ITGA9: variants seen among roughly 807,000 people sequenced by gnomAD.
ITGA9 encodes the protein integrin alpha-9.
Under a neutral mutation model 127.8 loss-of-function variants are expected in ITGA9, and 56 were observed. The observed-to-expected ratio is 0.44, with a 90% CI of 0.35 to 0.55. The LOEUF (loss-of-function observed/expected upper bound fraction) is 0.55. Ranked by LOEUF, ITGA9 falls within the 20% of genes least tolerant of loss-of-function variation. The pLI is 0.00. For synonymous variants in ITGA9, 508 were observed against 514.5 expected, an observed-to-expected ratio of 0.99 and a Z score of 0.17; for missense variants, 1,196 against 1,347.1, an observed-to-expected ratio of 0.89 and a Z score of 1.76.
At chr3:37,743,556 A>AT (rs1168365361) in intron 21 of ITGA9, among the ~76,000 whole-genome samples, 2 of 152,348 alleles carry the variant, frequency 1.3e-5, no homozygotes, top group South Asian at 4.1e-4. Flanking sequence ...ACTCATTTAT[A>AT]TTTATTTTTT....
chr3:37,780,092 A>T (rs1011479849), intron 25 of ITGA9, 71 bp downstream of exon 25: 1 of 1,545,378 alleles, frequency 6.5e-7, no homozygotes. Flanking sequence ...GATTTTGGGT[A>T]AAAAAAAGGA....
chr3:37,590,468 C>T (rs1559543772), intron 15 of ITGA9, among the ~76,000 whole-genome samples: 1 of 152,156 alleles, frequency 6.6e-6, no homozygotes, highest in Non-Finnish European at 1.5e-5. Flanking sequence ...TCATGGCTCT[C>T]CCATGGGGTT....
At chr3:37,813,160 T>C (rs1697389105) in intron 27 of ITGA9, among the ~76,000 whole-genome samples, 1 of 152,200 alleles carries the variant, frequency 6.6e-6, no homozygotes, top group Non-Finnish European at 1.5e-5. Context: ...TTTCCTGGCA[T>C]GTGTATGAAG....
chr3:37,658,174 G>A (rs1272755911), intron 17 of ITGA9, among the ~76,000 whole-genome samples: 1 of 152,154 alleles, frequency 6.6e-6, no homozygotes, highest in Admixed American at 6.5e-5. Context: ...TGCTGATTTG[G>A]GGTGGAAAGT....
chr3:37,537,050 A>G (rs999552691), intron 14 of ITGA9, among the ~76,000 whole-genome samples: 6 of 152,206 alleles, frequency 3.9e-5, no homozygotes, highest in Non-Finnish European at 5.9e-5. Context: ...GATGGGTTCA[A>G]TTTGAGAACC....
intron 15 of ITGA9, among the ~76,000 whole-genome samples, chr3:37,556,594 G>T (rs1178632303): frequency 6.6e-6 from 1 of 152,188 alleles, no homozygotes; most frequent in Non-Finnish European, 1.5e-5. Context: ...GAAGAACCTG[G>T]GACCTTGTTC....
intron 27 of ITGA9, among the ~76,000 whole-genome samples, chr3:37,813,078 T>C (rs1433415343): frequency 6.6e-6 from 1 of 152,172 alleles, no homozygotes; most frequent in African/African-American, 2.4e-5. Context: ...TAGGGGGACT[T>C]TGGGTCCTGG....
At chr3:37,730,897 C>T (rs574929664) in intron 18 of ITGA9, among the ~76,000 whole-genome samples, 1 of 152,184 alleles carries the variant, frequency 6.6e-6, no homozygotes, top group South Asian at 2.1e-4. Flanking sequence ...ATACGTGCCA[C>T]GGGGCAGGGG....
rs1432830411 is a variant in ITGA9 at position 37,759,064 on chromosome 3, C to CAT, written c.2541+8505_2541+8506dup. On this transcript the variant is annotated intron_variant, in intron 23 of 27. Transcript: ENST00000264741. ...AAAACAAGTGATAAATATATATATA[C>CAT]ATATATATATACCCACACACACACA... 1.0e-4 allele frequency among the ~76,000 whole-genome samples: 14 copies of CAT among 140,474 alleles called. No homozygotes were observed. The South Asian group carries it at 1.8e-3, about 18-fold the overall frequency. The allele number at this position is 140,474 out of a possible 152,430, so 92.2% of individuals were successfully genotyped here.
intron 18 of ITGA9, among the ~76,000 whole-genome samples, chr3:37,686,711 T>C (rs988145412): frequency 6.6e-6 from 1 of 151,764 alleles, no homozygotes; most frequent in Non-Finnish European, 1.5e-5. Context: ...TCCAGAGTGG[T>C]GATGGAGCAG....
intron 8 of ITGA9, among the ~76,000 whole-genome samples, chr3:37,512,642 C>T (rs961418528): frequency 6.6e-6 from 1 of 152,112 alleles, no homozygotes; most frequent in African/African-American, 2.4e-5. Flanking sequence ...AAGTTGCGAG[C>T]ATTTAAAACA....
chr3:37,778,084 G>A (rs1000297373), intron 24 of ITGA9, among the ~76,000 whole-genome samples: 1 of 152,188 alleles, frequency 6.6e-6, no homozygotes, highest in South Asian at 2.1e-4. Flanking sequence ...GCTAATGAAT[G>A]AATCTCACAG....
intron 17 of ITGA9, among the ~76,000 whole-genome samples, chr3:37,674,878 T>C (rs908011813): frequency 6.6e-6 from 1 of 152,184 alleles, no homozygotes; most frequent in Non-Finnish European, 1.5e-5. Context: ...GTGAACAGAA[T>C]GTGGATCCCA....
At chr3:37,744,554 G>A (rs1367786821) in intron 22 of ITGA9, among the ~76,000 whole-genome samples, 1 of 152,210 alleles carries the variant, frequency 6.6e-6, no homozygotes, top group African/African-American at 2.4e-5. Context: ...CTCCCTCACT[G>A]AGCCATGGCT....
chr3:37,697,510 C>T (rs1485163294), intron 18 of ITGA9, among the ~76,000 whole-genome samples: 1 of 151,948 alleles, frequency 6.6e-6, no homozygotes, highest in Non-Finnish European at 1.5e-5. Context: ...GACAGGCCCC[C>T]ATGTGTGATG....
Position 37,608,998 on chromosome 3 carries a change from A to G in ITGA9, c.1690-20189A>G, listed in dbSNP as rs1699994032. Reference sequence around the variant, plus strand: ...ATGCTGCAGTAAAGTATGGGTCAACATCCCCAAAATGTGTGACTCGCCCAA... The same window carrying G: ...ATGCTGCAGTAAAGTATGGGTCAACGTCCCCAAAATGTGTGACTCGCCCAA... On this transcript the variant is annotated intron_variant, in intron 15 of 27. Coordinates refer to ENST00000264741, the MANE Select transcript of ITGA9 (RefSeq NM_002207.3). 1.3e-5 allele frequency among the ~76,000 whole-genome samples: 2 copies of G among 152,148 alleles called. 1 individual carries two copies. The highest frequency in any genetic ancestry group is 4.1e-4 in the South Asian group (2 of 4,826).
intron 17 of ITGA9, among the ~76,000 whole-genome samples, chr3:37,681,315 T>C (rs1575190402): frequency 6.6e-6 from 1 of 152,128 alleles, no homozygotes; most frequent in African/African-American, 2.4e-5. Context: ...TAGTCCAGGG[T>C]TCCACCTCTG....
rs192448936 is a variant in ITGA9, at chr3:37,712,759, T to G, written c.2068-19953T>G. Among the ~76,000 whole-genome samples, 748 of 152,258 alleles carry G rather than the reference T, an allele frequency of 4.9e-3. 10 individuals are homozygous for G. The highest frequency in any genetic ancestry group is 0.031 in the South Asian group (150 of 4,814). ...TTTCCTAAAAGTTCTTGCAAAAATGTCATAGAGTCTGATTGGTCCAATTGA... is the reference window on the plus strand; with the variant it reads ...TTTCCTAAAAGTTCTTGCAAAAATGGCATAGAGTCTGATTGGTCCAATTGA... On this transcript the variant is annotated intron_variant, in intron 18 of 27. Transcript: ENST00000264741.
intron 17 of ITGA9, among the ~76,000 whole-genome samples, chr3:37,658,613 C>T (rs1700502462): frequency 6.6e-6 from 1 of 152,172 alleles, no homozygotes; most frequent in Non-Finnish European, 1.5e-5. Flanking sequence ...GAATACAGCA[C>T]ACTGATGGGT....
Sources: gnomAD v4.1 joint callset for allele counts (sites outside exome capture counted in the v4.1 genomes callset) on GRCh38, gnomAD v4.1.1 for gene constraint, MANE v1.5 for transcripts, NCBI Gene and HGNC (gene_info 2026-07-23, HGNC 2026-07-21) for gene names.